Variants in DDHD1 observed in about 807,000 individuals in gnomAD.
DDHD1 encodes the protein DDHD domain containing 1.
A neutral mutation model predicts 96.4 loss-of-function variants in DDHD1; 49 were observed. The ratio of observed to expected loss-of-function variants is 0.51; its 90% CI spans 0.40 to 0.64. The LOEUF (loss-of-function observed/expected upper bound fraction) is 0.64, where lower values mean the gene tolerates loss of function less well. DDHD1 is among the 30% of genes least tolerant of loss of function. DDHD1 has a pLI of 0.00. For missense variants in DDHD1, 1,106 were observed against 1,161.2 expected, an observed-to-expected ratio of 0.95 and a Z score of 0.69; for synonymous variants, 442 against 446.5, an observed-to-expected ratio of 0.99 and a Z score of 0.13.
chr14:53,122,684 G>A (rs771564782), intron 1 of DDHD1, among the ~76,000 whole-genome samples: 1 of 149,764 alleles, frequency 6.7e-6, no homozygotes, highest in Non-Finnish European at 1.5e-5. Flanking sequence ...TTAGCCTCCT[G>A]AGTAGCTGAG....
At chr14:53,116,247 G>T (rs1471997084) in intron 1 of DDHD1, among the ~76,000 whole-genome samples, 5 of 152,166 alleles carry the variant, frequency 3.3e-5, no homozygotes, top group Admixed American at 1.3e-4. Flanking sequence ...GACCTAGAAA[G>T]AGACTTAAGA....
rs1054711450 is a variant in DDHD1 at position 53,058,634 on chromosome 14, G to C, written c.1843-8C>G. On this transcript the variant is annotated splice_region_variant and splice_polypyrimidine_tract_variant and intron_variant, in intron 8 of 12. Transcript: ENST00000673822. Reference sequence around the variant, plus strand: ...ACAGAAGAAATTCTCAACCTAAAATGATAAAGTCATCTTAAAGTTTAAAAA... The same window carrying C: ...ACAGAAGAAATTCTCAACCTAAAATCATAAAGTCATCTTAAAGTTTAAAAA... 3 of 1,579,756 alleles carry C rather than the reference G, an allele frequency of 1.9e-6. No homozygotes were observed. Among genetic ancestry groups the C allele is most frequent in the Middle Eastern group, 1.7e-4 (1 of 5,924 alleles).
chr14:53,087,918 A>C (rs1347955541), intron 4 of DDHD1, among the ~76,000 whole-genome samples: 1 of 152,230 alleles, frequency 6.6e-6, no homozygotes, highest in Admixed American at 6.5e-5. Flanking sequence ...ACCGCTAGCA[A>C]GACTAACAAA....
intron 4 of DDHD1, among the ~76,000 whole-genome samples, chr14:53,090,716 C>T (rs1003610925): frequency 1.3e-5 from 2 of 151,916 alleles, no homozygotes; most frequent in South Asian, 2.1e-4. Flanking sequence ...ACACACCGGG[C>T]CCCACTGGGG....
chr14:53,146,967 G>A (rs1385802140), intron 1 of DDHD1, among the ~76,000 whole-genome samples: 1 of 148,278 alleles, frequency 6.7e-6, no homozygotes. Context: ...AACATGCACA[G>A]TTTAAATTCC....
At chr14:53,141,638 C>T (rs965407113) in intron 1 of DDHD1, among the ~76,000 whole-genome samples, 4 of 152,176 alleles carry the variant, frequency 2.6e-5, no homozygotes, top group African/African-American at 9.7e-5. Flanking sequence ...CCAACAGAGG[C>T]AATCAGAAGC....
chr14:53,037,059 T>C lies in DDHD1; in HGVS notation c.*9709A>G, dbSNP rs1417445741. On this transcript the variant is annotated 3_prime_UTR_variant, in exon 13 of 13. Transcript: ENST00000673822. Reference sequence around the variant, plus strand: ...GTTTTCTGTTCTTAATTTGCTTAGATTATGGCTTCCAGCTGTATCCATGTG... The same window carrying C: ...GTTTTCTGTTCTTAATTTGCTTAGACTATGGCTTCCAGCTGTATCCATGTG... 2 of 152,130 alleles carry C rather than the reference T, an allele frequency of 1.3e-5. No individual in the cohort carries two copies. Among genetic ancestry groups the C allele is most frequent in the African/African-American group, 4.8e-5 (2 of 41,448 alleles). The allele number at this position is 152,130 out of a possible 1,614,324, so 9.4% of individuals were successfully genotyped here.
chr14:53,071,440 G>A (rs558881624), intron 6 of DDHD1, among the ~76,000 whole-genome samples: 108 of 152,066 alleles, frequency 7.1e-4, no homozygotes, highest in African/African-American at 2.6e-3. Flanking sequence ...CCTATGTACT[G>A]TAATATTTTA....
At position 53,152,142 on chromosome 14, in the gene DDHD1, G is replaced by A. The variant is rs561056322; in HGVS notation, c.838+119C>T. 1.6e-5 allele frequency: 16 copies of A among 1,029,112 alleles called. No homozygotes were observed. In the East Asian group the frequency reaches 2.3e-4, roughly 15 times the overall value. 63.7% of individuals were successfully genotyped at this position (1,029,112 alleles called of 1,614,324 possible). A position where few individuals can be genotyped will look rare whatever the true frequency, so the allele number is the denominator to read the frequency against. On this transcript the variant is annotated intron_variant, in intron 1 of 12. Coordinates refer to ENST00000673822, the MANE Select transcript of DDHD1 (RefSeq NM_001160148.2). ...CCTGCTCAATCTCCATCCTGCCCCA[G>A]CCAAACGCCAGGCCTCACGCGCCTC...
At chr14:53,084,577 T>C (rs1025376052) in intron 4 of DDHD1, among the ~76,000 whole-genome samples, 5 of 152,178 alleles carry the variant, frequency 3.3e-5, no homozygotes, top group African/African-American at 9.6e-5. Context: ...ATATAAGCTA[T>C]GGACATTGAA....
intron 9 of DDHD1, 59 bp from the exon 10 acceptor site, chr14:53,055,971 T>C (rs1414554297): frequency 2.1e-6 from 3 of 1,445,462 alleles, no homozygotes; most frequent in East Asian, 2.3e-5. Context: ...GCTTGGATTT[T>C]AGTAAACTGT....
At chr14:53,125,751 G>A (rs995261928) in intron 1 of DDHD1, among the ~76,000 whole-genome samples, 2 of 151,128 alleles carry the variant, frequency 1.3e-5, no homozygotes, top group African/African-American at 4.9e-5. Context: ...ACCCAGGCTG[G>A]AGGGCCATGG....
intron 2 of DDHD1, among the ~76,000 whole-genome samples, chr14:53,102,110 G>GA (rs1344537588): frequency 2.7e-5 from 4 of 150,274 alleles, no homozygotes; most frequent in South Asian, 2.1e-4. Flanking sequence ...TTAACAGAAG[G>GA]AAAAAAAAAT....
intron 6 of DDHD1, among the ~76,000 whole-genome samples, chr14:53,070,148 G>A (rs925716644): frequency 1.8e-4 from 27 of 152,012 alleles, no homozygotes; most frequent in African/African-American, 6.0e-4. Flanking sequence ...GGTAACATGT[G>A]CTCTGATATC....
Position 53,091,859 on chromosome 14 carries a change from AGTCTGTGATGGC to A in DDHD1, c.1203_1214del (p.Lys401_Thr405delinsAsn). 2.5e-6 allele frequency: 4 copies of A among 1,613,844 alleles called. No homozygotes were observed. Among genetic ancestry groups the A allele is most frequent in the Non-Finnish European group, 3.4e-6 (4 of 1,179,824 alleles). On this transcript the variant is annotated inframe_deletion, in exon 4 of 13. Coordinates refer to ENST00000673822, the MANE Select transcript of DDHD1 (RefSeq NM_001160148.2). ...CATGCACAACAAATACAATATGGGT[AGTCTGTGATGGC>A]TTGTCTTCTAATGTGGCTTCTTCTA...
chr14:53,072,286 A>T (rs1020841205), intron 6 of DDHD1, among the ~76,000 whole-genome samples: 7 of 152,094 alleles, frequency 4.6e-5, no homozygotes, highest in African/African-American at 1.4e-4. Flanking sequence ...CAAAAAGTTT[A>T]AAGGACATTT....
intron 1 of DDHD1, among the ~76,000 whole-genome samples, chr14:53,128,671 G>C (rs537136661): frequency 6.6e-6 from 1 of 152,082 alleles, no homozygotes; most frequent in South Asian, 2.1e-4. Context: ...TATTATGTCA[G>C]CAAAAAAGGG....
chr14:53,047,192 CAAAA>C (rs145245367), intron 12 of DDHD1, among the ~76,000 whole-genome samples: 2 of 149,978 alleles, frequency 1.3e-5, no homozygotes, highest in Non-Finnish European at 3.0e-5. Flanking sequence ...TAAAGGAAGA[CAAAA>C]AAAAATCACT....
At chr14:53,103,501 G>A (rs781136355) in intron 2 of DDHD1, 182 bp downstream of exon 2, 1 of 504,314 alleles carries the variant, frequency 2.0e-6, no homozygotes, top group African/African-American at 2.0e-5. Context: ...AATAAAAATT[G>A]AGATAGTTCA....
Sources: allele counts gnomAD v4.1 joint callset (sites outside exome capture counted in the v4.1 genomes callset), GRCh38; gene constraint gnomAD v4.1.1; transcripts MANE v1.5; gene names NCBI Gene and HGNC (gene_info 2026-07-23, HGNC 2026-07-21).